CDH13: variants seen among roughly 807,000 people sequenced by gnomAD.
CDH13 encodes cadherin 13.
Under a neutral mutation model 63.8 loss-of-function variants are expected in CDH13, and 24 were observed. That is an observed-to-expected ratio of 0.38 (90% CI 0.27 to 0.53). CDH13 has a LOEUF of 0.53. Among genes scored for constraint, CDH13 ranks in the 20% least tolerant of loss-of-function variants. The pLI, the probability that CDH13 is intolerant of heterozygous loss-of-function variation, is 0.85. For missense variants in CDH13, 1,049 were observed against 903.1 expected (o/e 1.16, Z -2.07); for synonymous variants, 503 against 355.3 (o/e 1.42, Z -4.67).
At chr16:83,499,139 G>A (rs1386926156) in intron 7 of CDH13, among the ~76,000 whole-genome samples, 1 of 152,128 alleles carries the variant, frequency 6.6e-6, no homozygotes, top group Non-Finnish European at 1.5e-5. Context: ...AACCAGTGGG[G>A]GTTTGTTCAG....
At chr16:82,783,788 CAG>C (rs2151119850) in intron 1 of CDH13, among the ~76,000 whole-genome samples, 1 of 151,734 alleles carries the variant, frequency 6.6e-6, no homozygotes, top group East Asian at 1.9e-4. Context: ...TATGTAAGGA[CAG>C]AGAAAGAACA....
At chr16:82,909,295 G>T (rs1426455638) in intron 2 of CDH13, among the ~76,000 whole-genome samples, 1 of 127,074 alleles carries the variant, frequency 7.9e-6, no homozygotes, top group Non-Finnish European at 1.7e-5. Context: ...TGTGTGTGTA[G>T]ACACGTAGAA....
At chr16:83,208,245 T>C (rs2039239155) in intron 4 of CDH13, among the ~76,000 whole-genome samples, 2 of 152,198 alleles carry the variant, frequency 1.3e-5, no homozygotes, top group South Asian at 4.1e-4. Flanking sequence ...GTTCCCTGGC[T>C]AATTTATGAC....
intron 1 of CDH13, among the ~76,000 whole-genome samples, chr16:82,792,755 T>C (rs761740914): frequency 6.6e-6 from 1 of 152,222 alleles, no homozygotes; most frequent in Non-Finnish European, 1.5e-5. Flanking sequence ...AAAATAGAAA[T>C]GTATACCTCT....
chr16:83,238,561 G>T (rs993716623), intron 5 of CDH13, among the ~76,000 whole-genome samples: 5 of 152,096 alleles, frequency 3.3e-5, no homozygotes, highest in African/African-American at 1.2e-4. Context: ...GAAACCCTGG[G>T]GAAACATGTG....
intron 3 of CDH13, among the ~76,000 whole-genome samples, chr16:83,042,408 C>G (rs1266795436): frequency 2.6e-5 from 4 of 152,192 alleles, no homozygotes; most frequent in African/African-American, 9.7e-5. Context: ...TTATGAGAAT[C>G]TAATGCCTGA....
intron 2 of CDH13, among the ~76,000 whole-genome samples, chr16:82,925,268 C>A (rs1248406997): frequency 6.6e-6 from 1 of 152,146 alleles, no homozygotes; most frequent in Non-Finnish European, 1.5e-5. Flanking sequence ...AGAGAGGTGG[C>A]CCCTCAGAGC....
intron 1 of CDH13, among the ~76,000 whole-genome samples, chr16:82,691,330 C>T (rs935816003): frequency 2.0e-5 from 3 of 152,136 alleles, no homozygotes; most frequent in African/African-American, 7.2e-5. Context: ...TCTCAGCAGC[C>T]AGTAGCAGCT....
At chr16:82,862,485 G>A (rs1644759165) in intron 2 of CDH13, among the ~76,000 whole-genome samples, 1 of 152,204 alleles carries the variant, frequency 6.6e-6, no homozygotes, top group South Asian at 2.1e-4. Flanking sequence ...GCCTCTATTA[G>A]CAGGGGATGA....
rs199651413 is a variant in CDH13 at position 83,123,143 on chromosome 16, C to CGTGT, written c.367-2235_367-2232dup. Reference sequence around the variant, plus strand: ...CTTGAGTAGTATTTTATGGCATGTGCGTGTGTGTGTATGAGTATGTGTGTG... The same window carrying CGTGT: ...CTTGAGTAGTATTTTATGGCATGTGCGTGTGTGTGTGTGTATGAGTATGTGTGTG... On this transcript the variant is annotated intron_variant, in intron 3 of 13. Transcript: ENST00000567109. 7.6e-3 allele frequency among the ~76,000 whole-genome samples: 1,149 copies of CGTGT among 150,782 alleles called. 9 individuals are homozygous for CGTGT. Among genetic ancestry groups the CGTGT allele is most frequent in the African/African-American group, 0.021 (859 of 41,016 alleles).
At chr16:83,254,581 T>A (rs1324593282) in intron 5 of CDH13, among the ~76,000 whole-genome samples, 1 of 152,218 alleles carries the variant, frequency 6.6e-6, no homozygotes, top group African/African-American at 2.4e-5. Flanking sequence ...TCCTTTTCTT[T>A]TTTCTCTGAT....
chr16:83,391,137 G>A (rs574543077), intron 6 of CDH13, among the ~76,000 whole-genome samples: 105 of 151,964 alleles, frequency 6.9e-4, no homozygotes, highest in African/African-American at 2.5e-3. Flanking sequence ...GTCCTGAGAG[G>A]CCAATAAGTA....
At chr16:83,303,314 T>C (rs1480642771) in intron 5 of CDH13, among the ~76,000 whole-genome samples, 1 of 152,192 alleles carries the variant, frequency 6.6e-6, no homozygotes, top group Non-Finnish European at 1.5e-5. Flanking sequence ...AGGAGGATGA[T>C]CACGCAATAA....
chr16:83,721,585 G>C (rs1909696709), intron 10 of CDH13: 1 of 152,210 alleles, frequency 6.6e-6, no homozygotes, highest in Non-Finnish European at 1.5e-5. Flanking sequence ...GGGACTCTTT[G>C]TGGCTGTCTG....
chr16:83,662,355 C>A (rs2150839601), intron 8 of CDH13, among the ~76,000 whole-genome samples: 1 of 152,248 alleles, frequency 6.6e-6, no homozygotes, highest in East Asian at 1.9e-4. Context: ...ACATGCAAAT[C>A]CTTTTAGCAA....
chr16:83,357,720 C>T (rs2091083720), intron 6 of CDH13, among the ~76,000 whole-genome samples: 1 of 152,166 alleles, frequency 6.6e-6, no homozygotes, highest in Non-Finnish European at 1.5e-5. Flanking sequence ...CTCAAAATGT[C>T]AGTAGTGCCA....
At chr16:82,779,440 A>G (rs959810439) in intron 1 of CDH13, among the ~76,000 whole-genome samples, 20 of 152,186 alleles carry the variant, frequency 1.3e-4, no homozygotes, top group African/African-American at 4.6e-4. Flanking sequence ...CAGTTCTCCA[A>G]TGTCCTGTAG....
intron 7 of CDH13, among the ~76,000 whole-genome samples, chr16:83,567,875 A>G (rs1904298737): frequency 6.6e-6 from 1 of 151,892 alleles, no homozygotes; most frequent in African/African-American, 2.4e-5. Context: ...GATTACAGGC[A>G]TGAGCCACCA....
intron 6 of CDH13, among the ~76,000 whole-genome samples, chr16:83,354,493 C>A (rs78435061): frequency 0.051 from 7,695 of 152,216 alleles, 241 homozygotes; most frequent in African/African-American, 0.089. Context: ...ACATTGCCAC[C>A]TTCCTGGGAG....
Sources: allele counts gnomAD v4.1 joint callset (sites outside exome capture counted in the v4.1 genomes callset), GRCh38; gene constraint gnomAD v4.1.1; transcripts MANE v1.5; gene names NCBI Gene and HGNC (gene_info 2026-07-23, HGNC 2026-07-21).